The following PRKN variants were observed in gnomAD, a reference collection of about 807,000 sequenced individuals.
The protein encoded by PRKN is E3 ubiquitin-protein ligase parkin.
Under a neutral mutation model 59.5 loss-of-function variants are expected in PRKN, and 56 were observed. That is an observed-to-expected ratio of 0.94 (90% CI 0.76 to 1.18). PRKN has a LOEUF of 1.18. Ranked by LOEUF, PRKN falls within the 50% of genes most tolerant of loss-of-function variation. The pLI, the probability that PRKN is intolerant of heterozygous loss-of-function variation, is 0.00. For missense variants in PRKN, 657 were observed against 596.4 expected, an observed-to-expected ratio of 1.10 and a Z score of -1.06; for synonymous variants, 250 against 222.1, an observed-to-expected ratio of 1.13 and a Z score of -1.12.
At chr6:162,355,903 T>C (rs1409065815) in intron 2 of PRKN, among the ~76,000 whole-genome samples, 1 of 152,138 alleles carries the variant, frequency 6.6e-6, no homozygotes, top group Non-Finnish European at 1.5e-5. Context: ...AACTCAAATG[T>C]AAATTATTAA....
intron 7 of PRKN, among the ~76,000 whole-genome samples, chr6:161,643,325 T>C (rs1783808716): frequency 6.6e-6 from 1 of 152,214 alleles, no homozygotes; most frequent in Non-Finnish European, 1.5e-5. Context: ...GGAGAAATGC[T>C]GAAGCTCTCT....
intron 2 of PRKN, among the ~76,000 whole-genome samples, chr6:162,271,058 A>C (rs1780366275): frequency 8.8e-6 from 1 of 113,720 alleles, no homozygotes; most frequent in Non-Finnish European, 1.6e-5. Context: ...GATCTCACTT[A>C]TGCTGCCCAG....
intron 7 of PRKN, among the ~76,000 whole-genome samples, chr6:161,722,846 G>A (rs1419041123): frequency 6.6e-6 from 1 of 151,716 alleles, no homozygotes; most frequent in Non-Finnish European, 1.5e-5. Flanking sequence ...TTTTCTTTTT[G>A]AGGTCATTGG....
In PRKN at chr6:161,468,430, A is replaced by T. The variant is rs1331424557; in HGVS notation, c.1083+80424T>A. Among the ~76,000 whole-genome samples the T allele has an allele frequency of 1.3e-5, 2 of 152,180 alleles. No individual in the cohort carries two copies. Among genetic ancestry groups the T allele is most frequent in the East Asian group, 3.8e-4 (2 of 5,200 alleles). On this transcript the variant is annotated intron_variant, in intron 9 of 11. Transcript: ENST00000366898. This position sits in a 1 kb window ranked among gnomAD's most constrained non-coding sequence, Gnocchi z 5.9. ...GAAAAGTCAACCATAATAAATGTCA[A>T]ATCCTACAGAGTATCCTTTAAATGG...
chr6:161,716,802 G>C (rs975092794), intron 7 of PRKN, among the ~76,000 whole-genome samples: 1 of 152,194 alleles, frequency 6.6e-6, no homozygotes, highest in Admixed American at 6.5e-5. Context: ...CCCCCAAGGT[G>C]GCATGGCCAG....
intron 1 of PRKN, among the ~76,000 whole-genome samples, chr6:162,667,432 A>G (rs1779142632): frequency 6.6e-6 from 1 of 152,140 alleles, no homozygotes; most frequent in South Asian, 2.1e-4. Flanking sequence ...AGGTATGTAG[A>G]TTATGACAAA....
At chr6:162,689,368 A>G (rs374381126) in intron 1 of PRKN, among the ~76,000 whole-genome samples, 12 of 136,444 alleles carry the variant, frequency 8.8e-5, no homozygotes, top group African/African-American at 3.9e-4. Context: ...CTACTATAGG[A>G]AAAAAAAAAC....
intron 1 of PRKN, among the ~76,000 whole-genome samples, chr6:162,467,676 A>G (rs1054930197): frequency 2.0e-5 from 3 of 151,972 alleles, no homozygotes; most frequent in Non-Finnish European, 4.4e-5. Flanking sequence ...CACAAGAAAA[A>G]ACTCACGTCA....
chr6:162,092,091 C>G (rs918320463), intron 4 of PRKN, among the ~76,000 whole-genome samples: 5 of 152,140 alleles, frequency 3.3e-5, no homozygotes, highest in Non-Finnish European at 7.3e-5. Flanking sequence ...TGCAGTGGCT[C>G]ACTCCTGTAA....
intron 1 of PRKN, among the ~76,000 whole-genome samples, chr6:162,658,225 A>G (rs1778726725): frequency 2.0e-5 from 3 of 152,358 alleles, no homozygotes; most frequent in East Asian, 1.9e-4. Context: ...AGCAAGCATC[A>G]TATCTATTCA....
intron 1 of PRKN, among the ~76,000 whole-genome samples, chr6:162,523,493 C>T (rs769229782): frequency 2.0e-5 from 3 of 151,940 alleles, no homozygotes; most frequent in East Asian, 2.0e-4. Context: ...GGTGAAACTC[C>T]GTCTCTACTA....
At chr6:161,506,615 G>A (rs1195709391) in intron 9 of PRKN, among the ~76,000 whole-genome samples, 2 of 152,208 alleles carry the variant, frequency 1.3e-5, no homozygotes, top group African/African-American at 2.4e-5. Flanking sequence ...GGTCACAGGC[G>A]AGTGAGACAA....
intron 7 of PRKN, among the ~76,000 whole-genome samples, chr6:161,572,727 G>C (rs1471017689): frequency 2.0e-5 from 3 of 151,960 alleles, no homozygotes; most frequent in Non-Finnish European, 4.4e-5. Flanking sequence ...TAATACATTA[G>C]CTTTCACAGG....
chr6:161,413,772 A>C lies in PRKN; in HGVS notation c.1084-26895T>G, dbSNP rs1787702466. Among the ~76,000 whole-genome samples, 1 of 152,214 alleles carries C rather than the reference A, an allele frequency of 6.6e-6. No individual in the cohort carries two copies. The highest frequency in any genetic ancestry group is 2.4e-5 in the African/African-American group (1 of 41,440). Reference sequence around the variant, plus strand: ...TAATGCCACACAAATGAGATGTTCCAGCTCCCTAGCTCTGAGGAAGCTCAT... The same window carrying C: ...TAATGCCACACAAATGAGATGTTCCCGCTCCCTAGCTCTGAGGAAGCTCAT... On this transcript the variant is annotated intron_variant, in intron 9 of 11. Coordinates refer to ENST00000366898, the MANE Select transcript of PRKN (RefSeq NM_004562.3). The surrounding 1 kb of genome is among the most constrained non-coding windows in gnomAD (Gnocchi z 4.4).
chr6:162,727,392 G>A (rs1345113721), intron 1 of PRKN: 7 of 473,504 alleles, frequency 1.5e-5, no homozygotes, highest in African/African-American at 2.1e-5. Flanking sequence ...GCGGGGGTGC[G>A]GGGCCGCCTG....
At position 162,680,199 on chromosome 6, in the gene PRKN, G is replaced by A. The variant is rs1562491931; in HGVS notation, c.7+47463C>T. Among the ~76,000 whole-genome samples, 4 of 150,426 alleles carry A rather than the reference G, an allele frequency of 2.7e-5. No individual in the cohort carries two copies. The South Asian group carries it at 8.4e-4, about 32-fold the overall frequency. ...ATATATATACTAAATAATATTTGAGGAAGAAAAGAAATATATGTTTATATG... is the reference window on the plus strand; with the variant it reads ...ATATATATACTAAATAATATTTGAGAAAGAAAAGAAATATATGTTTATATG... On this transcript the variant is annotated intron_variant, in intron 1 of 11. Transcript: ENST00000366898.
chr6:161,901,643 C>G (rs1420968219), intron 6 of PRKN, among the ~76,000 whole-genome samples: 1 of 152,094 alleles, frequency 6.6e-6, no homozygotes, highest in Non-Finnish European at 1.5e-5. Flanking sequence ...AACAATGGAG[C>G]GGGTCTGATT....
intron 6 of PRKN, among the ~76,000 whole-genome samples, chr6:161,905,719 G>C (rs1041786463): frequency 8.6e-5 from 13 of 151,720 alleles, no homozygotes; most frequent in African/African-American, 2.9e-4. Context: ...TCAGCACTTG[G>C]AGAGGCCGAG....
At chr6:162,371,248 G>C (rs976037314) in intron 2 of PRKN, among the ~76,000 whole-genome samples, 1 of 152,138 alleles carries the variant, frequency 6.6e-6, no homozygotes, top group Non-Finnish European at 1.5e-5. Context: ...TCTGGGCCCC[G>C]ACCCAAATCC....
Sources: gnomAD v4.1 joint callset for allele counts (sites outside exome capture counted in the v4.1 genomes callset) on GRCh38, gnomAD v4.1.1 for gene constraint, Gnocchi (gnomAD v3.1) non-coding constraint, MANE v1.5 for transcripts, NCBI Gene and HGNC (gene_info 2026-07-23, HGNC 2026-07-21) for gene names.